KCNK2: variants seen among roughly 807,000 people sequenced by gnomAD.
The protein encoded by KCNK2 is potassium two pore domain channel subfamily K member 2, also known as potassium channel subfamily K member 2.
A neutral mutation model predicts 40.5 loss-of-function variants in KCNK2; 21 were observed. The ratio of observed to expected loss-of-function variants is 0.52; its 90% confidence interval spans 0.37 to 0.75. KCNK2 has a LOEUF of 0.75. KCNK2 is among the 30% of genes least tolerant of loss of function. The pLI is 0.00. For synonymous variants in KCNK2, 191 were observed against 202.2 expected (o/e 0.94, Z 0.47); for missense variants, 399 against 531.6 (o/e 0.75, Z 2.45).
chr1:215,176,701 G>C (rs976320753), intron 5 of KCNK2, among the ~76,000 whole-genome samples: 1 of 152,134 alleles, frequency 6.6e-6, no homozygotes, highest in African/African-American at 2.4e-5. Flanking sequence ...GTATTCCATG[G>C]TATATATGTA....
intron 1 of KCNK2, among the ~76,000 whole-genome samples, chr1:215,056,053 C>A (rs555631120): frequency 2.0e-5 from 3 of 152,128 alleles, no homozygotes; most frequent in Non-Finnish European, 4.4e-5. Flanking sequence ...TGCCTGTAAT[C>A]CCAGCACTTT....
At position 215,235,043 on chromosome 1, in the gene KCNK2, G is replaced by A. The variant is rs1461241529; in HGVS notation, c.1179G>A (p.Arg393=). Residue 393 remains arginine, a synonymous_variant, in exon 7 of 7, where the codon AGG becomes AGA. Transcript: ENST00000444842. ...CAGTGAACCACCTGACCAGCGAGAG[G>A]GATGTCTTGCCTCCCTTACTGAAGA... ...TLSVNHLTSE[R]DVLPPLLKTE... 7 of 1,613,930 alleles carry A rather than the reference G, an allele frequency of 4.3e-6. No homozygotes were observed. The highest frequency in any genetic ancestry group is 5.1e-6 in the Non-Finnish European group (6 of 1,179,924).
intron 5 of KCNK2, among the ~76,000 whole-genome samples, chr1:215,179,927 T>C (rs1263905414): frequency 6.6e-6 from 1 of 152,118 alleles, no homozygotes; most frequent in Non-Finnish European, 1.5e-5. Context: ...TTTTCTGCCT[T>C]GATGATCTTT....
At chr1:215,029,190 A>G (rs1657097801) in intron 1 of KCNK2, among the ~76,000 whole-genome samples, 1 of 152,042 alleles carries the variant, frequency 6.6e-6, no homozygotes, top group Admixed American at 6.5e-5. Flanking sequence ...TGTACATCCT[A>G]TGACTTTGAA....
chr1:215,116,221 A>G (rs1044607863), intron 2 of KCNK2, among the ~76,000 whole-genome samples: 13 of 152,100 alleles, frequency 8.5e-5, no homozygotes, highest in African/African-American at 2.7e-4. Context: ...ATGCCTTGGA[A>G]TATGCTTATG....
intron 2 of KCNK2, among the ~76,000 whole-genome samples, chr1:215,098,226 A>G (rs1660062868): frequency 6.6e-6 from 1 of 152,054 alleles, no homozygotes; most frequent in African/African-American, 2.4e-5. Flanking sequence ...GAAGAGGAGA[A>G]TCATAATTTA....
chr1:215,171,857 T>G (rs994229570), intron 4 of KCNK2, 140 bp from the exon 5 acceptor site: 1 of 481,604 alleles, frequency 2.1e-6, no homozygotes, highest in Non-Finnish European at 3.6e-6. Flanking sequence ...CTTGCTAATT[T>G]GCTCATAATA....
At chr1:215,157,808 C>T (rs968248437) in intron 3 of KCNK2, among the ~76,000 whole-genome samples, 17 of 152,152 alleles carry the variant, frequency 1.1e-4, no homozygotes, top group African/African-American at 3.6e-4. Flanking sequence ...CCTATAAATC[C>T]GTTAACAATA....
At chr1:215,094,475 CAAATGGGGATATAGAAATCTTAAAG>C (rs1375132021) in intron 2 of KCNK2, among the ~76,000 whole-genome samples, 3 of 152,004 alleles carry the variant, frequency 2.0e-5, no homozygotes, top group Admixed American at 2.0e-4. Context: ...ATTGGGCTAC[CAAATGGGGATATAGAAATCTTAAAG>C]AAAACCATGT....
intron 6 of KCNK2, among the ~76,000 whole-genome samples, chr1:215,209,513 A>ATAT (rs1665533122): frequency 4.6e-4 from 1 of 2,190 alleles, no homozygotes; most frequent in African/African-American, 1.4e-3. Context: ...TAATATATAT[A>ATAT]AAATATAATA....
Position 215,086,389 on chromosome 1 carries a change from A to G in KCNK2, c.68A>G (p.Asp23Gly), listed in dbSNP as rs1571895211. 1.2e-6 allele frequency: 2 copies of G among 1,613,940 alleles called. No homozygotes were observed. Among genetic ancestry groups the G allele is most frequent in the Non-Finnish European group, 1.7e-6 (2 of 1,179,958 alleles). The change falls in exon 2 of 7, where the codon GAT becomes GGT. Residue 23 changes from aspartate (D) to glycine (G), a missense_variant. Asp to Gly is a moderately conservative substitution (Grantham distance 94). This residue lies in a region of KCNK2 where 279 missense variants were observed against 353.8 expected (regional missense o/e 0.79). Coordinates refer to ENST00000444842, the MANE Select transcript of KCNK2 (RefSeq NM_001017425.3). ...RAGVAAPDLL[D>G]PKSAAQNSKP... ...TCAGTGGCGGCACCTGACTTGCTGG[A>G]TCCTAAATCTGCCGCTCAGAACTCC...
chr1:215,060,562 A>G (rs1458744905), intron 1 of KCNK2, among the ~76,000 whole-genome samples: 1 of 152,228 alleles, frequency 6.6e-6, no homozygotes, highest in Non-Finnish European at 1.5e-5. Flanking sequence ...TCCTTTTAAG[A>G]AACGTTCATG....
At chr1:215,131,350 CAATT>C (rs1419339793) in intron 3 of KCNK2, among the ~76,000 whole-genome samples, 5 of 145,428 alleles carry the variant, frequency 3.4e-5, no homozygotes, top group Non-Finnish European at 6.0e-5. Flanking sequence ...AATATAATAT[CAATT>C]TATTATATAT....
At chr1:215,118,150 A>G (rs6696563) in intron 2 of KCNK2, among the ~76,000 whole-genome samples, 2,033 of 152,050 alleles carry the variant, frequency 0.013, 43 homozygotes, top group African/African-American at 0.046. Flanking sequence ...ATGTTGAGAT[A>G]CTCTCTGGTT....
At chr1:215,055,995 C>A (rs1658144940) in intron 1 of KCNK2, among the ~76,000 whole-genome samples, 1 of 152,118 alleles carries the variant, frequency 6.6e-6, no homozygotes, top group South Asian at 2.1e-4. Flanking sequence ...AAGATAAATT[C>A]ATCTGCGTTT....
At chr1:215,123,201 G>A (rs1485959965) in intron 2 of KCNK2, among the ~76,000 whole-genome samples, 1 of 142,918 alleles carries the variant, frequency 7.0e-6, no homozygotes, top group East Asian at 2.1e-4. Context: ...TACATATTGG[G>A]CAATGATTAA....
At chr1:215,142,857 A>G (rs186822369) in intron 3 of KCNK2, among the ~76,000 whole-genome samples, 187 of 152,210 alleles carry the variant, frequency 1.2e-3, no homozygotes, top group Non-Finnish European at 2.3e-3. Context: ...TTTCTTGCTA[A>G]AATCCTGGGT....
At chr1:215,081,980 G>A (rs370636701), upstream of KCNK2, 705 of 152,322 alleles carry the variant, frequency 4.6e-3, 6 homozygotes, top group Admixed American at 7.3e-3. Context: ...GGAGGTCGGG[G>A]AGCGCTAAGT....
chr1:215,207,939 A>C (rs1665386737), intron 6 of KCNK2, among the ~76,000 whole-genome samples: 1 of 152,210 alleles, frequency 6.6e-6, no homozygotes, highest in African/African-American at 2.4e-5. Context: ...AATTTGTTTA[A>C]TCATTGTGGA....
Sources: allele counts gnomAD v4.1 joint callset (sites outside exome capture counted in the v4.1 genomes callset), GRCh38; gene constraint gnomAD v4.1.1; regional missense constraint gnomAD v4.1.1; transcripts MANE v1.5; gene names NCBI Gene and HGNC (gene_info 2026-07-23, HGNC 2026-07-21).